Variants in SLIT2 observed in about 807,000 individuals in gnomAD.
The protein encoded by SLIT2 is slit homolog 2 protein.
SLIT2 carries 41 observed loss-of-function variants against 185.7 expected under a neutral mutation model. The observed-to-expected ratio is 0.22, with a 90% CI of 0.17 to 0.29. The LOEUF (loss-of-function observed/expected upper bound fraction) is 0.29, where lower values mean the gene tolerates loss of function less well. Ranked by LOEUF, SLIT2 falls within the 10% of genes least tolerant of loss-of-function variation. The probability of loss-of-function intolerance (pLI) is 1.00; values close to 1 mark genes in which losing one functional copy is unlikely to be tolerated. For synonymous variants in SLIT2, 693 were observed against 680.2 expected (o/e 1.02, Z -0.29); for missense variants, 1,571 against 1,909.0 (o/e 0.82, Z 3.30).
At chr4:20,478,389 GCGTATAAC>G in intron 5 of SLIT2, among the ~76,000 whole-genome samples, 1 of 152,300 alleles carries the variant, frequency 6.6e-6, no homozygotes, top group South Asian at 2.1e-4. Context: ...ATATGAAGAA[GCGTATAAC>G]CATGAGCAAT....
At chr4:20,563,558 T>A (rs1005422916) in intron 26 of SLIT2, among the ~76,000 whole-genome samples, 1 of 151,746 alleles carries the variant, frequency 6.6e-6, no homozygotes, top group Non-Finnish European at 1.5e-5. Context: ...CTCTCAGTGT[T>A]GTACCCGGTG....
chr4:20,510,166 AC>A (rs1719574001), intron 9 of SLIT2, among the ~76,000 whole-genome samples: 1 of 144,206 alleles, frequency 6.9e-6, no homozygotes, highest in African/African-American at 2.7e-5. Flanking sequence ...TATTTCTCTA[AC>A]TTATATTAAG....
At chr4:20,480,375 T>G (rs901197937) in intron 5 of SLIT2, among the ~76,000 whole-genome samples, 1 of 152,212 alleles carries the variant, frequency 6.6e-6, no homozygotes, top group African/African-American at 2.4e-5. Flanking sequence ...GTCCTTTACC[T>G]TAATGAAATT....
intron 9 of SLIT2, among the ~76,000 whole-genome samples, chr4:20,494,760 A>C (rs1429592420): frequency 4.6e-5 from 7 of 151,448 alleles, no homozygotes; most frequent in Admixed American, 4.6e-4. Flanking sequence ...CCTGGGTGAC[A>C]GAGCTAGACT....
chr4:20,278,972 C>T (rs942715744), intron 4 of SLIT2, among the ~76,000 whole-genome samples: 1 of 152,226 alleles, frequency 6.6e-6, no homozygotes, highest in African/African-American at 2.4e-5. Context: ...CAATGCTGTG[C>T]TTTTATACGG....
intron 4 of SLIT2, among the ~76,000 whole-genome samples, chr4:20,382,404 A>C (rs1012032452): frequency 2.0e-5 from 3 of 152,176 alleles, no homozygotes; most frequent in Non-Finnish European, 4.4e-5. Context: ...GCCTTCTAAC[A>C]TGATCGTTTT....
At chr4:20,358,238 T>C (rs1722484551) in intron 4 of SLIT2, among the ~76,000 whole-genome samples, 1 of 152,122 alleles carries the variant, frequency 6.6e-6, no homozygotes, top group Non-Finnish European at 1.5e-5. Flanking sequence ...TCAGTTAAGG[T>C]AAGTTATATG....
intron 29 of SLIT2, 52 bp downstream of exon 29, chr4:20,569,056 C>T (rs768430543): frequency 2.3e-4 from 329 of 1,451,080 alleles, no homozygotes; most frequent in Non-Finnish European, 3.1e-4. Context: ...TGTTTGAAAG[C>T]ATCATTGGAA....
At chr4:20,518,426 G>A (rs919253252) in intron 11 of SLIT2, among the ~76,000 whole-genome samples, 1 of 136,320 alleles carries the variant, frequency 7.3e-6, no homozygotes, top group African/African-American at 2.7e-5. Flanking sequence ...CTAATTTTTT[G>A]TATTTTTAGT....
intron 4 of SLIT2, among the ~76,000 whole-genome samples, chr4:20,356,700 C>T (rs1722351428): frequency 6.6e-6 from 1 of 152,182 alleles, no homozygotes; most frequent in African/African-American, 2.4e-5. Context: ...TGTATTTCTG[C>T]AGACTCCCCT....
intron 33 of SLIT2, among the ~76,000 whole-genome samples, chr4:20,605,991 C>T (rs1247669626): frequency 1.3e-5 from 2 of 152,020 alleles, no homozygotes; most frequent in African/African-American, 2.4e-5. Context: ...TCAAGCAATC[C>T]GCCCATCTTG....
At chr4:20,556,575 G>C (rs1429543087) in intron 26 of SLIT2, among the ~76,000 whole-genome samples, 1 of 151,212 alleles carries the variant, frequency 6.6e-6, no homozygotes, top group African/African-American at 2.4e-5. Context: ...TAAGTCCCCT[G>C]TCTCTCTCTC....
chr4:20,332,841 G>T (rs1482445922), intron 4 of SLIT2, among the ~76,000 whole-genome samples: 2 of 151,942 alleles, frequency 1.3e-5, no homozygotes, highest in East Asian at 1.9e-4. Flanking sequence ...ACTTCAAAAT[G>T]GTTCTTACCT....
chr4:20,535,801 G>A (rs11736311), intron 18 of SLIT2, among the ~76,000 whole-genome samples: 49,491 of 151,806 alleles, frequency 0.33, 8,283 homozygotes, highest in Middle Eastern at 0.43. Context: ...AGTCCGTCAG[G>A]ATGGGATCCA....
chr4:20,376,330 G>A (rs145012570), intron 4 of SLIT2, among the ~76,000 whole-genome samples: 49 of 151,824 alleles, frequency 3.2e-4, no homozygotes, highest in African/African-American at 1.2e-3. Flanking sequence ...CTAACCTATA[G>A]GGACCCGTTG....
At chr4:20,389,363 C>T (rs1188027055) in intron 4 of SLIT2, among the ~76,000 whole-genome samples, 1 of 151,620 alleles carries the variant, frequency 6.6e-6, no homozygotes, top group Admixed American at 6.6e-5. Flanking sequence ...TGCAGATATC[C>T]AGGAATTCCC....
chr4:20,529,089 A>T lies in SLIT2; in HGVS notation c.1603A>T (p.Thr535Ser), dbSNP rs1317098175. The change falls in exon 16 of 37, where the codon ACT (threonine) becomes TCT (serine). Residue 535 changes from threonine to serine, a missense_variant. Physicochemically the swap from Thr to Ser is moderately conservative, Grantham distance 58. Transcript: ENST00000504154. ...NKIPEHIPQY[T>S]AELRLNNNEF... ...AATCCCGGAGCACATTCCCCAGTACACTGCAGAGTTGTAAGTTCATCCCCC... is the reference window on the plus strand; with the variant it reads ...AATCCCGGAGCACATTCCCCAGTACTCTGCAGAGTTGTAAGTTCATCCCCC... The T allele has an allele frequency of 1.2e-6, 2 of 1,606,774 alleles. No homozygotes were observed. The highest frequency in any genetic ancestry group is 2.2e-5 in the South Asian group (2 of 89,588).
intron 4 of SLIT2, among the ~76,000 whole-genome samples, chr4:20,313,583 AGTATATCCACTTTACTGTTTGTAT>A (rs1173328147): frequency 6.6e-6 from 1 of 151,936 alleles, no homozygotes; most frequent in Non-Finnish European, 1.5e-5. Context: ...TTTCTTTTTT[AGTATATCCACTTTACTGTTTGTAT>A]GTGTTAAAGC....
intron 3 of SLIT2, among the ~76,000 whole-genome samples, chr4:20,260,135 C>A (rs960589449): frequency 6.6e-6 from 1 of 151,736 alleles, no homozygotes; most frequent in Non-Finnish European, 1.5e-5. Flanking sequence ...AAAATAAAAA[C>A]TACAAAAACC....
Sources: gnomAD v4.1 joint callset for allele counts (sites outside exome capture counted in the v4.1 genomes callset) on GRCh38, gnomAD v4.1.1 for gene constraint, MANE v1.5 for transcripts, NCBI Gene and HGNC (gene_info 2026-07-23, HGNC 2026-07-21) for gene names.